The following ASAP1 variants were observed in gnomAD, a reference collection of about 807,000 sequenced individuals.
ASAP1 encodes the protein ArfGAP with SH3 domain, ankyrin repeat and PH domain 1.
A neutral mutation model predicts 145.2 loss-of-function variants in ASAP1; 43 were observed. The observed-to-expected ratio is 0.30, with a 90% CI of 0.23 to 0.38. The LOEUF (loss-of-function observed/expected upper bound fraction) is 0.38. Among genes scored for constraint, ASAP1 ranks in the 10% least tolerant of loss-of-function variants. ASAP1 has a pLI of 1.00. For synonymous variants in ASAP1, 546 were observed against 515.5 expected (o/e 1.06, Z -0.80); for missense variants, 1,018 against 1,355.3 (o/e 0.75, Z 3.91).
At chr8:130,232,680 G>C (rs891717271) in intron 4 of ASAP1, among the ~76,000 whole-genome samples, 2 of 151,548 alleles carry the variant, frequency 1.3e-5, no homozygotes, top group Non-Finnish European at 2.9e-5. Context: ...ACTGATAAAA[G>C]TTTATGTGTA....
chr8:130,236,996 TA>T lies in ASAP1; in HGVS notation c.187-3del. 6.3e-7 allele frequency: 1 copy of T among 1,574,934 alleles called. No homozygotes were observed. The highest frequency in any genetic ancestry group is 8.6e-7 in the Non-Finnish European group (1 of 1,162,396). ...GGCTGTTCTATCTTGGTCTAGAGCC[TA>T]AAAGAGAAAAAAGGGGGAAAAGATA... On this transcript the variant is annotated splice_polypyrimidine_tract_variant and splice_region_variant and intron_variant, in intron 3 of 29. Transcript: ENST00000518721.
chr8:130,323,313 G>C (rs917623574), intron 3 of ASAP1, among the ~76,000 whole-genome samples: 2 of 152,134 alleles, frequency 1.3e-5, no homozygotes, highest in African/African-American at 4.8e-5. Context: ...AGAAACTCTT[G>C]ATGTTTTTAA....
intron 24 of ASAP1, among the ~76,000 whole-genome samples, chr8:130,092,490 G>T (rs1051098834): frequency 6.6e-6 from 1 of 152,088 alleles, no homozygotes; most frequent in African/African-American, 2.4e-5. Context: ...AGCCAGGTGT[G>T]GTGGTGTGTG....
chr8:130,118,725 G>T, intron 18 of ASAP1, 50 bp from the exon 19 acceptor site: 2 of 1,267,952 alleles, frequency 1.6e-6, no homozygotes, highest in Non-Finnish European at 2.1e-6. Context: ...GCTAGGAAAG[G>T]TTTACATTTT....
intron 3 of ASAP1, among the ~76,000 whole-genome samples, chr8:130,257,076 T>C (rs898233206): frequency 4.6e-5 from 7 of 152,032 alleles, no homozygotes; most frequent in African/African-American, 7.2e-5. Flanking sequence ...AATGTAACTG[T>C]TTTCCAAATG....
chr8:130,361,917 C>CAGGCTTTATATA (rs1220429984), intron 2 of ASAP1: 166 of 678,040 alleles, frequency 2.4e-4, no homozygotes, highest in Non-Finnish European at 4.0e-4. Context: ...TTATATAAAG[C>CAGGCTTTATATA]AAGCATCATC....
chr8:130,223,302 C>T (rs1817402613), intron 4 of ASAP1, among the ~76,000 whole-genome samples: 1 of 152,182 alleles, frequency 6.6e-6, no homozygotes, highest in South Asian at 2.1e-4. Context: ...TCTGAATCCC[C>T]ACTCTGGTTC....
intron 18 of ASAP1, among the ~76,000 whole-genome samples, chr8:130,119,254 CT>C (rs2097561554): frequency 6.6e-6 from 1 of 152,126 alleles, no homozygotes; most frequent in African/African-American, 2.4e-5. Context: ...CCATAACTCT[CT>C]ATTTTATAGG....
rs999756345 is a variant in ASAP1, at chr8:130,143,708, G to A, written c.1081-6670C>T. On this transcript the variant is annotated intron_variant, in intron 13 of 29. Transcript: ENST00000518721. ...GTAGAAATGCATGCAGAAACAGAAT[G>A]AGTCAATCCCAATTAATGTTTCTGT... is the stretch of plus-strand genomic sequence containing the variant. 9.2e-5 allele frequency among the ~76,000 whole-genome samples: 14 copies of A among 152,320 alleles called. No homozygotes were observed. The South Asian group carries it at 2.5e-3, about 27-fold the overall frequency.
At chr8:130,218,011 G>T (rs1817041545) in intron 4 of ASAP1, among the ~76,000 whole-genome samples, 1 of 152,054 alleles carries the variant, frequency 6.6e-6, no homozygotes, top group East Asian at 1.9e-4. Context: ...CTCAGGCTGA[G>T]ATATTAAAAA....
chr8:130,169,721 C>A (rs1391081097), intron 9 of ASAP1, among the ~76,000 whole-genome samples: 1 of 152,234 alleles, frequency 6.6e-6, no homozygotes, highest in Admixed American at 6.5e-5. Flanking sequence ...ACACTTTACA[C>A]AAGTGATTTC....
intron 22 of ASAP1, 35 bp downstream of exon 22, chr8:130,116,643 T>C (rs1025264142): frequency 3.2e-5 from 50 of 1,577,594 alleles, no homozygotes; most frequent in Middle Eastern, 1.7e-4. Context: ...AGGCAGCCAA[T>C]GTCTAATAAA....
At chr8:130,135,017 G>T (rs541775691) in intron 14 of ASAP1, among the ~76,000 whole-genome samples, 1 of 152,184 alleles carries the variant, frequency 6.6e-6, no homozygotes, top group South Asian at 2.1e-4. Context: ...ATCCATGTAA[G>T]GGAAGGAGTG....
chr8:130,131,430 C>G (rs938432031), intron 15 of ASAP1, among the ~76,000 whole-genome samples: 1 of 151,858 alleles, frequency 6.6e-6, no homozygotes, highest in Non-Finnish European at 1.5e-5. Context: ...TTACCTCCTA[C>G]AGCACTCAAA....
chr8:130,439,139 G>A (rs572119791), intron 1 of ASAP1, among the ~76,000 whole-genome samples: 7 of 152,312 alleles, frequency 4.6e-5, no homozygotes, highest in African/African-American at 1.7e-4. Context: ...CAGAGAGATG[G>A]AAGCTTGAGA....
intron 5 of ASAP1, among the ~76,000 whole-genome samples, chr8:130,192,303 C>A (rs1160320320): frequency 1.3e-5 from 2 of 148,308 alleles, no homozygotes; most frequent in Non-Finnish European, 3.0e-5. Context: ...TCAACTATGT[C>A]TATTAGCTGT....
At chr8:130,435,295 T>A (rs988895701) in intron 1 of ASAP1, among the ~76,000 whole-genome samples, 1 of 152,230 alleles carries the variant, frequency 6.6e-6, no homozygotes, top group Non-Finnish European at 1.5e-5. Flanking sequence ...AGCATCTTAG[T>A]AAGTCTTTTG....
intron 1 of ASAP1, among the ~76,000 whole-genome samples, chr8:130,404,864 G>A (rs1168679873): frequency 6.6e-6 from 1 of 152,036 alleles, no homozygotes; most frequent in Non-Finnish European, 1.5e-5. Flanking sequence ...GCCCTCTTAT[G>A]ATGCACCACA....
intron 1 of ASAP1, among the ~76,000 whole-genome samples, chr8:130,440,974 A>G (rs1381324464): frequency 6.6e-6 from 1 of 152,236 alleles, no homozygotes; most frequent in African/African-American, 2.4e-5. Context: ...CCTCCAGAGG[A>G]ATGCAAGCTC....
Sources: allele counts gnomAD v4.1 joint callset (sites outside exome capture counted in the v4.1 genomes callset), GRCh38; gene constraint gnomAD v4.1.1; transcripts MANE v1.5; gene names NCBI Gene and HGNC (gene_info 2026-07-23, HGNC 2026-07-21).